The following PTPN14 variants were observed in gnomAD, a reference collection of about 807,000 sequenced individuals.
PTPN14 encodes the protein protein tyrosine phosphatase non-receptor type 14, also known as tyrosine-protein phosphatase non-receptor type 14.
Under a neutral mutation model 126.8 loss-of-function variants are expected in PTPN14, and 53 were observed. The ratio of observed to expected loss-of-function variants is 0.42; its 90% CI spans 0.34 to 0.53. PTPN14 has a LOEUF of 0.53. Among genes scored for constraint, PTPN14 ranks in the 20% least tolerant of loss-of-function variants. The pLI is 0.08. For synonymous variants in PTPN14, 630 were observed against 599.3 expected (o/e 1.05, Z -0.75); for missense variants, 1,257 against 1,552.9 (o/e 0.81, Z 3.20).
intron 1 of PTPN14, among the ~76,000 whole-genome samples, chr1:214,477,204 GGAGA>G: frequency 6.6e-6 from 1 of 152,250 alleles, no homozygotes; most frequent in South Asian, 2.1e-4. Context: ...GAATCAGAGG[GGAGA>G]AAGAATGAAA....
rs1258946900 is a variant in PTPN14 at position 214,353,132 on chromosome 1, A to G, written c.*4790T>C. 6.6e-6 allele frequency: 1 copy of G among 152,110 alleles called. No individual in the cohort carries two copies. Among genetic ancestry groups the G allele is most frequent in the Non-Finnish European group, 1.5e-5 (1 of 68,038 alleles). 9.4% of individuals were successfully genotyped at this position (152,110 alleles called of 1,614,324 possible). ...TCAAGGGATTGACAGATCTTCCCCA[A>G]ACGAAAATCAGTAACGAAATAGTTG... is the stretch of plus-strand genomic sequence containing the variant. On this transcript the variant is annotated 3_prime_UTR_variant, in exon 19 of 19. Coordinates refer to ENST00000366956, the MANE Select transcript of PTPN14 (RefSeq NM_005401.5).
intron 7 of PTPN14, 71 bp downstream of exon 7, chr1:214,401,614 T>A (rs1659020236): frequency 3.0e-6 from 4 of 1,338,640 alleles, no homozygotes; most frequent in Non-Finnish European, 1.0e-6. Context: ...CCCACTGCTA[T>A]CAACAATGGT....
At chr1:214,393,919 C>T (rs755036164) in intron 9 of PTPN14, 142 bp from the exon 10 acceptor site, 20 of 685,614 alleles carry the variant, frequency 2.9e-5, no homozygotes, top group Non-Finnish European at 4.8e-5. Flanking sequence ...GCAAGGTAAA[C>T]CAGCCTGCTG....
At chr1:214,500,041 C>CA (rs1334466415) in intron 1 of PTPN14, among the ~76,000 whole-genome samples, 2 of 151,412 alleles carry the variant, frequency 1.3e-5, no homozygotes, top group East Asian at 2.0e-4. Context: ...ACATTGTCCG[C>CA]AAATGTCCAC....
chr1:214,522,246 A>ATT (rs751578797), intron 1 of PTPN14, among the ~76,000 whole-genome samples: 4 of 152,032 alleles, frequency 2.6e-5, no homozygotes, highest in Non-Finnish European at 5.9e-5. Context: ...GAAGCTTCTT[A>ATT]TATCATCTTT....
At chr1:214,403,588 C>T (rs370356041) in intron 5 of PTPN14, among the ~76,000 whole-genome samples, 12 of 152,296 alleles carry the variant, frequency 7.9e-5, no homozygotes, top group African/African-American at 2.6e-4. Context: ...CTACTATGGG[C>T]TCAGAAGAAC....
chr1:214,427,473 A>G (rs1398685961), intron 3 of PTPN14, among the ~76,000 whole-genome samples: 1 of 152,174 alleles, frequency 6.6e-6, no homozygotes, highest in African/African-American at 2.4e-5. Context: ...AACTTAGTTT[A>G]CTGGTAAAAT....
intron 1 of PTPN14, among the ~76,000 whole-genome samples, chr1:214,469,790 TA>T (rs58331011): frequency 0.14 from 13,680 of 100,902 alleles, 748 homozygotes; most frequent in South Asian, 0.19. Context: ...ACCACTCTAG[TA>T]GGGGGATGGT....
chr1:214,352,802 AT>A lies in PTPN14; in HGVS notation c.*5119del, dbSNP rs1657730741. The A allele has an allele frequency of 2.0e-5, 3 of 152,196 alleles. No homozygotes were observed. Among genetic ancestry groups the A allele is most frequent in the Admixed American group, 2.0e-4 (3 of 15,278 alleles). The allele number at this position is 152,196 out of a possible 1,614,324, so 9.4% of individuals were successfully genotyped here. A position where few individuals can be genotyped will look rare whatever the true frequency, so the allele number is the denominator to read the frequency against. On this transcript the variant is annotated 3_prime_UTR_variant, in exon 19 of 19. Coordinates refer to ENST00000366956, the MANE Select transcript of PTPN14 (RefSeq NM_005401.5). ...TGCTGGATGAGCTGTTGCTCTGCTC[AT>A]GAAAAGAAATCACTAAATAAGAGCA...
chr1:214,393,543 T>G, intron 10 of PTPN14, 152 bp downstream of exon 10: 1 of 662,042 alleles, frequency 1.5e-6, no homozygotes, highest in Non-Finnish European at 2.6e-6. Flanking sequence ...CATTAAAGTT[T>G]TCATTCCTGC....
chr1:214,405,995 T>A (rs1431753489), intron 5 of PTPN14, among the ~76,000 whole-genome samples: 1 of 152,042 alleles, frequency 6.6e-6, no homozygotes, highest in Non-Finnish European at 1.5e-5. Flanking sequence ...GCACCCAGGA[T>A]ACAATGGGGC....
intron 1 of PTPN14, among the ~76,000 whole-genome samples, chr1:214,466,154 G>C (rs1660632902): frequency 6.6e-6 from 1 of 150,776 alleles, no homozygotes. Context: ...TAGAGCCGGG[G>C]TTTCACCATA....
chr1:214,404,993 A>T (rs140876112), intron 5 of PTPN14, among the ~76,000 whole-genome samples: 1 of 152,148 alleles, frequency 6.6e-6, no homozygotes, highest in Non-Finnish European at 1.5e-5. Context: ...CCATTCTTCA[A>T]TGTGACTCAG....
Position 214,383,591 on chromosome 1 carries a change from G to T in PTPN14, c.2264C>A (p.Pro755Gln). The T allele has an allele frequency of 6.2e-7, 1 of 1,613,590 alleles. No homozygotes were observed. Among genetic ancestry groups the T allele is most frequent in the Admixed American group, 1.7e-5 (1 of 60,032 alleles). ...AGCCCCATTGCTCACACTCTTCCTT[G>T]GACCGGGGTACTCAGGCGGGGGCTT... ...PNKPPPEYPG[P>Q]RKSVSNGALR... The change falls in exon 13 of 19, where the codon CCA becomes CAA. Residue 755 changes from proline to glutamine, a missense_variant. Physicochemically the swap from Pro to Gln is moderately conservative, Grantham distance 76 (BLOSUM62 -1). Transcript: ENST00000366956. The surrounding 1 kb of genome is among the most constrained non-coding windows in gnomAD (Gnocchi z 4.4).
chr1:214,431,959 T>A (rs182007448), intron 3 of PTPN14, among the ~76,000 whole-genome samples: 1 of 152,152 alleles, frequency 6.6e-6, no homozygotes, highest in African/African-American at 2.4e-5. Flanking sequence ...GGCAGAAGGA[T>A]TGCTTGAGCC....
chr1:214,368,196 T>TTTTTTTAATTTATTTATTTATTTATTTA (rs1553258933), intron 17 of PTPN14, among the ~76,000 whole-genome samples: 13 of 146,236 alleles, frequency 8.9e-5, no homozygotes, highest in Admixed American at 5.5e-4. Flanking sequence ...TGTTATTCGT[T>TTTTTTTAATTTATTTATTTATTTATTTA]TTTATTTATT....
intron 3 of PTPN14, among the ~76,000 whole-genome samples, chr1:214,446,579 T>G (rs1660146442): frequency 1.3e-5 from 2 of 152,242 alleles, no homozygotes; most frequent in Non-Finnish European, 1.5e-5. Flanking sequence ...TCAATGTCAC[T>G]CTCAAATTTT....
rs143977522 is a variant in PTPN14, at chr1:214,412,892, C to G, written c.443-1141G>C. Among the ~76,000 whole-genome samples, 15 of 152,222 alleles carry G rather than the reference C, an allele frequency of 9.9e-5. No individual in the cohort carries two copies. In the East Asian group the frequency reaches 2.9e-3, roughly 29 times the overall value. The stretch of plus-strand genomic sequence containing the variant: ...ATTTATTTATTTACTTTTTTAGAGA[C>G]AGGGTCTTGCTTTGTCATCTGGGCT... On this transcript the variant is annotated intron_variant, in intron 4 of 18. Coordinates refer to ENST00000366956, the MANE Select transcript of PTPN14 (RefSeq NM_005401.5).
intron 2 of PTPN14, among the ~76,000 whole-genome samples, chr1:214,454,314 ATAT>A (rs1660334959): frequency 2.0e-5 from 3 of 152,298 alleles, no homozygotes; most frequent in African/African-American, 7.2e-5. Flanking sequence ...CAAATTAGTA[ATAT>A]TCAAATTATA....
Sources: allele counts gnomAD v4.1 joint callset (sites outside exome capture counted in the v4.1 genomes callset), GRCh38; gene constraint gnomAD v4.1.1; non-coding constraint Gnocchi (gnomAD v3.1); transcripts MANE v1.5; gene names NCBI Gene and HGNC (gene_info 2026-07-23, HGNC 2026-07-21).